TRABD2A: variants seen among roughly 807,000 people sequenced by gnomAD.
TRABD2A encodes TraB domain containing 2A.
TRABD2A carries 43 observed loss-of-function variants against 45.6 expected under a neutral mutation model. That is an observed-to-expected ratio of 0.94 (90% CI 0.74 to 1.22). The LOEUF (loss-of-function observed/expected upper bound fraction) is 1.22, where lower values mean the gene tolerates loss of function less well. TRABD2A is among the 50% of genes most tolerant of loss of function. TRABD2A has a pLI of 0.00. For synonymous variants in TRABD2A, 269 were observed against 265.0 expected, an observed-to-expected ratio of 1.02 and a Z score of -0.15; for missense variants, 642 against 652.4, an observed-to-expected ratio of 0.98 and a Z score of 0.17.
intron 2 of TRABD2A, among the ~76,000 whole-genome samples, chr2:84,866,946 G>A (rs565420991): frequency 1.8e-4 from 27 of 152,218 alleles, no homozygotes; most frequent in African/African-American, 6.3e-4. Context: ...TTAGCCAGGC[G>A]TGGTGGCGGG....
intron 2 of TRABD2A, among the ~76,000 whole-genome samples, chr2:84,864,881 G>A (rs573886089): frequency 6.6e-6 from 1 of 152,250 alleles, no homozygotes; most frequent in South Asian, 2.1e-4. Flanking sequence ...GTCTTCCTCA[G>A]GCCATCTAGC....
At chr2:84,851,226 G>A (rs1682084602) in intron 2 of TRABD2A, 1 of 152,264 alleles carries the variant, frequency 6.6e-6, no homozygotes. Context: ...ATCTATGGCA[G>A]AGGACAAGCA....
chr2:84,861,828 G>C (rs1274218246), intron 2 of TRABD2A, among the ~76,000 whole-genome samples: 1 of 152,206 alleles, frequency 6.6e-6, no homozygotes, highest in Non-Finnish European at 1.5e-5. Context: ...AGTGTGAGCT[G>C]CAGTTCTCAC....
intron 5 of TRABD2A, among the ~76,000 whole-genome samples, chr2:84,831,072 T>C (rs1438783701): frequency 1.3e-5 from 2 of 152,142 alleles, no homozygotes; most frequent in African/African-American, 4.8e-5. Flanking sequence ...CCATCCCCAG[T>C]ACCTCAGAAT....
At chr2:84,823,079 C>T (rs569373106) in intron 6 of TRABD2A, among the ~76,000 whole-genome samples, 1 of 152,140 alleles carries the variant, frequency 6.6e-6, no homozygotes, top group African/African-American at 2.4e-5. Flanking sequence ...TGAATCCCTG[C>T]GTCTACTGAT....
chr2:84,840,702 C>A (rs1295988224), intron 3 of TRABD2A, among the ~76,000 whole-genome samples: 1 of 152,184 alleles, frequency 6.6e-6, no homozygotes, highest in African/African-American at 2.4e-5. Context: ...GACTTTTCTC[C>A]CCCCTTCCCT....
intron 1 of TRABD2A, among the ~76,000 whole-genome samples, chr2:84,878,575 A>G (rs1448699128): frequency 6.6e-6 from 1 of 151,608 alleles, no homozygotes; most frequent in Non-Finnish European, 1.5e-5. Flanking sequence ...GAACACTAAG[A>G]GTTCTGTTTG....
At chr2:84,823,391 C>G (rs770646967) in intron 6 of TRABD2A, among the ~76,000 whole-genome samples, 1 of 152,222 alleles carries the variant, frequency 6.6e-6, no homozygotes. Context: ...AAAGGAGGGA[C>G]TCAATAAGGC....
At chr2:84,869,963 G>C in intron 2 of TRABD2A, among the ~76,000 whole-genome samples, 1 of 134,836 alleles carries the variant, frequency 7.4e-6, no homozygotes, top group East Asian at 2.1e-4. Flanking sequence ...TGGGTGGAAT[G>C]ACTCTGTCCC....
chr2:84,858,389 GCTGT>G (rs1682386605), intron 2 of TRABD2A, among the ~76,000 whole-genome samples: 1 of 152,162 alleles, frequency 6.6e-6, no homozygotes, highest in South Asian at 2.1e-4. Flanking sequence ...ATTCAGAATA[GCTGT>G]CTGTTTTTCC....
intron 2 of TRABD2A, among the ~76,000 whole-genome samples, chr2:84,843,413 C>T (rs1681776258): frequency 6.6e-6 from 1 of 152,232 alleles, no homozygotes; most frequent in Non-Finnish European, 1.5e-5. Context: ...ATGTTCTCCT[C>T]ATTCTGAGTG....
At position 84,835,762 on chromosome 2, in the gene TRABD2A, TA is replaced by T. The variant is rs1224405051; in HGVS notation, c.991+3386del. Among the ~76,000 whole-genome samples the T allele has an allele frequency of 6.7e-3, 1,022 of 152,260 alleles. 17 individuals are homozygous for T. Among genetic ancestry groups the T allele is most frequent in the African/African-American group, 0.024 (991 of 41,540 alleles). On this transcript the variant is annotated intron_variant, in intron 4 of 6. Transcript: ENST00000409520. Reference sequence around the variant, plus strand: ...TTTACATGGCAGGAGGGGCTAATGCTATATCTTCACATGGTGGAAGGCACAA... The same window carrying T: ...TTTACATGGCAGGAGGGGCTAATGCTTATCTTCACATGGTGGAAGGCACAA...
At chr2:84,832,376 G>A in intron 4 of TRABD2A, 1 of 535,884 alleles carries the variant, frequency 1.9e-6, no homozygotes, top group Non-Finnish European at 3.4e-6. Context: ...TCAGAACAAT[G>A]CAGCAAGTTA....
intron 5 of TRABD2A, 70 bp from the exon 6 acceptor site, chr2:84,824,274 T>C: frequency 6.3e-7 from 1 of 1,577,554 alleles, no homozygotes. Flanking sequence ...CCAGCTCTCT[T>C]ACACCTCAGG....
chr2:84,831,925 G>A (rs559033103), intron 5 of TRABD2A, 130 bp downstream of exon 5: 2 of 867,272 alleles, frequency 2.3e-6, no homozygotes, highest in Admixed American at 4.1e-5. Context: ...GTCCATGTAA[G>A]GTCAAGTGTG....
intron 2 of TRABD2A, among the ~76,000 whole-genome samples, chr2:84,865,316 C>CA (rs1345253966): frequency 6.6e-6 from 1 of 152,088 alleles, no homozygotes; most frequent in Non-Finnish European, 1.5e-5. Flanking sequence ...GAATGACAGC[C>CA]AAAAAGGCAA....
intron 1 of TRABD2A, among the ~76,000 whole-genome samples, chr2:84,872,842 T>C (rs1241052404): frequency 1.3e-5 from 2 of 152,146 alleles, no homozygotes; most frequent in Non-Finnish European, 2.9e-5. Context: ...TGGCCAGGCA[T>C]AGTAGCTCAC....
chr2:84,847,434 C>T (rs1023849291), intron 2 of TRABD2A, among the ~76,000 whole-genome samples: 32 of 152,290 alleles, frequency 2.1e-4, no homozygotes, highest in African/African-American at 6.7e-4. Context: ...GACCCCAGGG[C>T]GTCTTCCAGG....
chr2:84,832,183 C>G, intron 4 of TRABD2A, 38 bp from the exon 5 acceptor site: 1 of 1,604,998 alleles, frequency 6.2e-7, no homozygotes, highest in Non-Finnish European at 8.5e-7. Context: ...CTGCAGCTCT[C>G]AGGACCACCA....
Sources: gnomAD v4.1 joint callset for allele counts (sites outside exome capture counted in the v4.1 genomes callset) on GRCh38, gnomAD v4.1.1 for gene constraint, MANE v1.5 for transcripts, NCBI Gene and HGNC (gene_info 2026-07-23, HGNC 2026-07-21) for gene names.